TTC28: variants seen among roughly 807,000 people sequenced by gnomAD.
The protein encoded by TTC28 is tetratricopeptide repeat protein 28.
TTC28 carries 61 observed loss-of-function variants against 198.0 expected under a neutral mutation model. The ratio of observed to expected loss-of-function variants is 0.31; its 90% CI spans 0.25 to 0.38. The LOEUF (loss-of-function observed/expected upper bound fraction) is 0.38, where lower values mean the gene tolerates loss of function less well. Ranked by LOEUF, TTC28 falls within the 10% of genes least tolerant of loss-of-function variation. The pLI is 1.00. For missense variants in TTC28, 2,678 were observed against 3,164.0 expected (o/e 0.85, Z 3.69); for synonymous variants, 1,171 against 1,297.8 (o/e 0.90, Z 2.10).
chr22:28,432,606 C>A (rs891593570), intron 2 of TTC28, among the ~76,000 whole-genome samples: 1 of 152,070 alleles, frequency 6.6e-6, no homozygotes, highest in African/African-American at 2.4e-5. Context: ...TTATATAGTT[C>A]ATTAAAATTT....
intron 2 of TTC28, among the ~76,000 whole-genome samples, chr22:28,591,948 T>G (rs2050442092): frequency 6.6e-6 from 1 of 151,844 alleles, no homozygotes; most frequent in Admixed American, 6.6e-5. Context: ...TAAAAGATGG[T>G]AGAGGGCGGA....
chr22:28,046,517 G>A (rs1332325899), intron 12 of TTC28, among the ~76,000 whole-genome samples: 1 of 152,186 alleles, frequency 6.6e-6, no homozygotes, highest in Non-Finnish European at 1.5e-5. Flanking sequence ...CATTGTGTAT[G>A]ACATTGTTGA....
intron 12 of TTC28, among the ~76,000 whole-genome samples, chr22:28,055,012 G>T (rs1940227807): frequency 6.6e-6 from 1 of 152,172 alleles, no homozygotes; most frequent in South Asian, 2.1e-4. Context: ...CAGCAGATCA[G>T]GGTTGGGTTC....
intron 5 of TTC28, among the ~76,000 whole-genome samples, chr22:28,272,414 T>G (rs1458382380): frequency 6.6e-6 from 1 of 152,218 alleles, no homozygotes; most frequent in African/African-American, 2.4e-5. Context: ...GATATGAGAA[T>G]AGTCATTAAT....
chr22:28,078,973 C>T (rs1941250666), intron 12 of TTC28, among the ~76,000 whole-genome samples: 1 of 152,052 alleles, frequency 6.6e-6, no homozygotes, highest in African/African-American at 2.4e-5. Flanking sequence ...GAAAGGAGGC[C>T]AGGGGGCCAC....
intron 6 of TTC28, among the ~76,000 whole-genome samples, chr22:28,153,175 C>A (rs1043267991): frequency 6.6e-6 from 1 of 151,202 alleles, no homozygotes; most frequent in African/African-American, 2.4e-5. Flanking sequence ...TTTCTTAAAC[C>A]CTTGACTTAG....
chr22:28,505,149 C>T (rs936590246), intron 2 of TTC28, among the ~76,000 whole-genome samples: 1 of 144,200 alleles, frequency 6.9e-6, no homozygotes, highest in African/African-American at 2.6e-5. Context: ...CCCAGCTACT[C>T]GGGAGGGTGA....
At position 28,165,449 on chromosome 22, in the gene TTC28, AG is replaced by A. The variant is rs1161064763; in HGVS notation, c.934-1851del. Among the ~76,000 whole-genome samples, 10 of 151,744 alleles carry A rather than the reference AG, an allele frequency of 6.6e-5. No homozygotes were observed. The East Asian group carries it at 7.7e-4, about 12-fold the overall frequency. On this transcript the variant is annotated intron_variant, in intron 5 of 22. Transcript: ENST00000397906. ...GAGAGAAAGGTCGGGTTACCCACAA[AG>A]GGAAGCCCATCAGACTAACAGCTGA...
intron 2 of TTC28, among the ~76,000 whole-genome samples, chr22:28,498,827 T>C (rs1273984647): frequency 6.6e-6 from 1 of 152,192 alleles, no homozygotes; most frequent in Non-Finnish European, 1.5e-5. Context: ...GTAAGAAATG[T>C]AGAGAAGTGT....
At chr22:28,151,768 T>C (rs1435745190) in intron 6 of TTC28, among the ~76,000 whole-genome samples, 1 of 152,222 alleles carries the variant, frequency 6.6e-6, no homozygotes, top group East Asian at 1.9e-4. Context: ...TTCTTGTTCC[T>C]TTCTTTTAGA....
chr22:27,995,688 C>CTTT (rs1465583112), intron 17 of TTC28, among the ~76,000 whole-genome samples: 1 of 152,134 alleles, frequency 6.6e-6, no homozygotes, highest in Non-Finnish European at 1.5e-5. Flanking sequence ...AACTGTTCAA[C>CTTT]TTTTATCACC....
At chr22:28,512,087 T>C (rs1163193204) in intron 2 of TTC28, among the ~76,000 whole-genome samples, 1 of 148,106 alleles carries the variant, frequency 6.8e-6, no homozygotes, top group Non-Finnish European at 1.5e-5. Context: ...ACAAGGAACT[T>C]AAATTACAAA....
chr22:28,082,507 A>G (rs1480187013), intron 12 of TTC28, among the ~76,000 whole-genome samples: 1 of 152,216 alleles, frequency 6.6e-6, no homozygotes, highest in Non-Finnish European at 1.5e-5. Flanking sequence ...TCAAATGATC[A>G]TGTGTTTTTT....
chr22:28,058,146 T>C (rs1489717219), intron 12 of TTC28, among the ~76,000 whole-genome samples: 1 of 152,086 alleles, frequency 6.6e-6, no homozygotes, highest in African/African-American at 2.4e-5. Flanking sequence ...ACGGGCAATA[T>C]GGTATCTGTC....
intron 2 of TTC28, among the ~76,000 whole-genome samples, chr22:28,353,358 T>C (rs2046028199): frequency 1.3e-5 from 2 of 152,232 alleles, no homozygotes; most frequent in Admixed American, 6.5e-5. Context: ...AAAACTCATA[T>C]GGAATCTCAA....
At chr22:28,564,193 T>C (rs1160450346) in intron 2 of TTC28, among the ~76,000 whole-genome samples, 1 of 152,196 alleles carries the variant, frequency 6.6e-6, no homozygotes, top group Non-Finnish European at 1.5e-5. Flanking sequence ...TGAAAATGTT[T>C]TGGAACTAAA....
intron 5 of TTC28, among the ~76,000 whole-genome samples, chr22:28,210,524 G>T (rs1031060322): frequency 2.0e-5 from 3 of 152,118 alleles, no homozygotes; most frequent in African/African-American, 7.2e-5. Context: ...CAATCAAGTG[G>T]AAGAAAGGGT....
chr22:28,041,403 G>C (rs1939634017), intron 12 of TTC28, among the ~76,000 whole-genome samples: 1 of 152,158 alleles, frequency 6.6e-6, no homozygotes, highest in South Asian at 2.1e-4. Flanking sequence ...CAATGGAACA[G>C]AACAGAAGCC....
chr22:28,203,964 C>T (rs1325091472), intron 5 of TTC28, among the ~76,000 whole-genome samples: 1 of 152,132 alleles, frequency 6.6e-6, no homozygotes, highest in Non-Finnish European at 1.5e-5. Context: ...TATGTTTATT[C>T]ATTGCCTTAT....
Sources: gnomAD v4.1 joint callset for allele counts (sites outside exome capture counted in the v4.1 genomes callset) on GRCh38, gnomAD v4.1.1 for gene constraint, MANE v1.5 for transcripts, NCBI Gene and HGNC (gene_info 2026-07-23, HGNC 2026-07-21) for gene names.